Variants in KDM5B observed in about 807,000 individuals in gnomAD.
The protein encoded by KDM5B is lysine demethylase 5B, also known as lysine-specific demethylase 5B.
KDM5B carries 144 observed loss-of-function variants against 193.4 expected under a neutral mutation model. The observed-to-expected ratio is 0.74, with a 90% CI of 0.65 to 0.86. The LOEUF (loss-of-function observed/expected upper bound fraction) is 0.86. KDM5B is among the 40% of genes least tolerant of loss of function. The pLI, the probability that KDM5B is intolerant of heterozygous loss-of-function variation, is 0.00. For missense variants in KDM5B, 1,833 were observed against 1,886.9 expected, an observed-to-expected ratio of 0.97 and a Z score of 0.53; for synonymous variants, 668 against 682.6, an observed-to-expected ratio of 0.98 and a Z score of 0.33.
chr1:202,779,574 G>C (rs2102308973), intron 1 of KDM5B, among the ~76,000 whole-genome samples: 1 of 152,112 alleles, frequency 6.6e-6, no homozygotes, highest in East Asian at 1.9e-4. Flanking sequence ...GGGAGTCCGA[G>C]GCAAGCAGAT....
Position 202,746,280 on chromosome 1 carries a change from T to A in KDM5B, c.2060A>T (p.Asp687Val). Reference protein sequence around the residue: ...SERMDFELLPDDERQCVKCKT... With the variant: ...SERMDFELLPVDERQCVKCKT... ...GCATTTTACACACTGACGTTCATCA[T>A]CTGGCAACAGCTCAAAATCCATTCT... Residue 687 changes from aspartate to valine, a missense_variant, in exon 15 of 27, where the codon GAT becomes GTT. Physicochemically the swap from Asp to Val is radical, Grantham distance 152. Coordinates refer to ENST00000367265, the MANE Select transcript of KDM5B (RefSeq NM_006618.5). 6.2e-7 allele frequency: 1 copy of A among 1,613,050 alleles called. No individual in the cohort carries two copies. Among genetic ancestry groups the A allele is most frequent in the Non-Finnish European group, 8.5e-7 (1 of 1,179,596 alleles).
At chr1:202,772,608 T>C (rs1656766212) in intron 4 of KDM5B, among the ~76,000 whole-genome samples, 1 of 152,082 alleles carries the variant, frequency 6.6e-6, no homozygotes. Flanking sequence ...TCCTCCACAA[T>C]CTTACTCATT....
chr1:202,788,896 A>G (rs1297488360), intron 1 of KDM5B, among the ~76,000 whole-genome samples: 1 of 152,174 alleles, frequency 6.6e-6, no homozygotes, highest in Non-Finnish European at 1.5e-5. Flanking sequence ...AGGTTAAGAA[A>G]GGATTATATA....
chr1:202,740,525 G>C, intron 20 of KDM5B, 149 bp downstream of exon 20: 1 of 484,988 alleles, frequency 2.1e-6, no homozygotes, highest in Non-Finnish European at 3.3e-6. Flanking sequence ...TTCCCAGTAG[G>C]GGCGGCTGGG....
Position 202,730,976 on chromosome 1 carries a change from A to G in KDM5B, c.4109T>C (p.Leu1370Ser). 6.2e-7 allele frequency: 1 copy of G among 1,613,878 alleles called. No homozygotes were observed. Among genetic ancestry groups the G allele is most frequent in the Non-Finnish European group, 8.5e-7 (1 of 1,179,820 alleles). ...CTGAGCAGGGCTTGGCTTTGCAAGT[A>G]AAGTCTGGTAAAGTTCCTGAATTTC... ...LPEIQELYQT[L>S]LAKPSPAQQT... is the part of the protein sequence containing the mutation. Residue 1370 changes from leucine (L) to serine (S), a missense_variant, in exon 25 of 27, where the codon TTA (leucine) becomes TCA (serine). Physicochemically the swap from Leu to Ser is moderately radical, Grantham distance 145. Around this residue, in one of 3 missense-constraint regions of KDM5B, gnomAD observed 1,379 missense variants for 1,349.6 expected, o/e 1.02. Transcript: ENST00000367265.
Position 202,733,693 on chromosome 1 carries a change from A to G in KDM5B, c.3617T>C (p.Val1206Ala), listed in dbSNP as rs1329482958. 4 of 1,614,152 alleles carry G rather than the reference A, an allele frequency of 2.5e-6. No homozygotes were observed. Among genetic ancestry groups the G allele is most frequent in the South Asian group, 1.1e-5 (1 of 91,086 alleles). ...TCGCAGGCCCTGTGAAATACTGGGT[A>G]CCGCCACACAACTGGTGTGGAAAGC... ...RDAFHTSCVA[V>A]PSISQGLRIW... Residue 1206 changes from valine (V) to alanine (A), a missense_variant, in exon 23 of 27, where the codon GTA becomes GCA. Coordinates refer to ENST00000367265, the MANE Select transcript of KDM5B (RefSeq NM_006618.5).
At chr1:202,795,730 T>C (rs1330039869) in intron 1 of KDM5B, among the ~76,000 whole-genome samples, 1 of 151,690 alleles carries the variant, frequency 6.6e-6, no homozygotes, top group Non-Finnish European at 1.5e-5. Flanking sequence ...ACAGAAGATA[T>C]ATTTGAATAA....
chr1:202,804,359 A>C (rs1404097975), intron 1 of KDM5B, among the ~76,000 whole-genome samples: 2 of 152,210 alleles, frequency 1.3e-5, no homozygotes, highest in African/African-American at 4.8e-5. Flanking sequence ...AGATACAAGT[A>C]GGGAAAGATT....
At chr1:202,786,461 T>C (rs1474136257) in intron 1 of KDM5B, among the ~76,000 whole-genome samples, 4 of 152,228 alleles carry the variant, frequency 2.6e-5, no homozygotes, top group Non-Finnish European at 5.9e-5. Context: ...ACTTGTATAC[T>C]GTAAAAGTTA....
Position 202,753,082 on chromosome 1 carries a change from T to A in KDM5B, c.1539-15A>T, listed in dbSNP as rs202083862. 138 of 1,601,346 alleles carry A rather than the reference T, an allele frequency of 8.6e-5. No homozygotes were observed. Among genetic ancestry groups the A allele is most frequent in the Non-Finnish European group, 1.1e-4 (133 of 1,174,840 alleles). ...TTGGCTCACCCCTGGAAATAGATTA[T>A]AAAAATAAATCAATCTGCAACACCA... On this transcript the variant is annotated splice_polypyrimidine_tract_variant and intron_variant, in intron 11 of 26. Coordinates refer to ENST00000367265, the MANE Select transcript of KDM5B (RefSeq NM_006618.5).
intron 1 of KDM5B, 97 bp downstream of exon 1, chr1:202,808,005 G>T: frequency 7.9e-7 from 1 of 1,267,048 alleles, no homozygotes; most frequent in Non-Finnish European, 1.1e-6. Context: ...CGGGGCGACC[G>T]GCTCCCCGCC....
At chr1:202,795,794 T>C (rs1055900021) in intron 1 of KDM5B, among the ~76,000 whole-genome samples, 1 of 152,196 alleles carries the variant, frequency 6.6e-6, no homozygotes, top group African/African-American at 2.4e-5. Flanking sequence ...ATTAACTTTT[T>C]TTTTTTAACA....
chr1:202,773,222 T>C lies in KDM5B; in HGVS notation c.472A>G (p.Lys158Glu). ...KDRKWTKIAT[K>E]MGFAPGKAVG... ...GCTTTGCCAGGAGCAAACCCCATCT[T>C]GGTAGCAATTTTGGTCCATTTTCTA... The change falls in exon 4 of 27, where the codon AAG (lysine) becomes GAG (glutamate). Residue 158 changes from lysine to glutamate, a missense_variant. This residue lies in a region of KDM5B where 355 missense variants were observed against 374.9 expected (regional missense o/e 0.95). Transcript: ENST00000367265. The C allele has an allele frequency of 4.3e-6, 7 of 1,614,126 alleles. No individual in the cohort carries two copies. Among genetic ancestry groups the C allele is most frequent in the Non-Finnish European group, 5.9e-6 (7 of 1,179,974 alleles).
At position 202,744,004 on chromosome 1, in the gene KDM5B, G is replaced by A. The variant is rs567367018; in HGVS notation, c.2324-1199C>T. 3.3e-5 allele frequency among the ~76,000 whole-genome samples: 5 copies of A among 151,696 alleles called. No individual in the cohort carries two copies. The South Asian group carries it at 8.3e-4, about 25-fold the overall frequency. ...AACTGACAAATGGGATCTAATTAAA[G>A]AGCTTCTGCACAGCAAAAGAAACTA... On this transcript the variant is annotated intron_variant, in intron 16 of 26. Coordinates refer to ENST00000367265, the MANE Select transcript of KDM5B (RefSeq NM_006618.5).
chr1:202,769,049 T>C (rs1656597293), intron 4 of KDM5B, among the ~76,000 whole-genome samples: 1 of 146,896 alleles, frequency 6.8e-6, no homozygotes, highest in South Asian at 2.1e-4. Flanking sequence ...TCTTTTTTTT[T>C]TTTTTGAGAC....
In KDM5B at chr1:202,792,989, C is replaced by T. The variant is rs1215833855; in HGVS notation, c.204+15113G>A. Among the ~76,000 whole-genome samples the T allele has an allele frequency of 2.2e-5, 3 of 137,250 alleles. No homozygotes were observed. In the Admixed American group the frequency reaches 2.4e-4, roughly 11 times the overall value. The allele number at this position is 137,250 out of a possible 152,430, so 90.0% of individuals were successfully genotyped here. ...TCCAACTCCAGCCTGGGCCACACAG[C>T]GAGACTCCCTCTCAAAAAAAAAAAA... On this transcript the variant is annotated intron_variant, in intron 1 of 26. Coordinates refer to ENST00000367265, the MANE Select transcript of KDM5B (RefSeq NM_006618.5).
rs535334152 is a variant in KDM5B at position 202,772,121 on chromosome 1, A to G, written c.576+997T>C. ...GTTAGTGATTTACCCCTCAAAAACT[A>G]TGTTATTCTCTTCCTACCTCTCTAC... On this transcript the variant is annotated intron_variant, in intron 4 of 26. Transcript: ENST00000367265. Among the ~76,000 whole-genome samples, 6 of 152,244 alleles carry G rather than the reference A, an allele frequency of 3.9e-5. No individual in the cohort carries two copies. In the South Asian group the frequency reaches 1.2e-3, roughly 32 times the overall value.
chr1:202,725,051 T>C lies in KDM5B; in HGVS notation c.*3985A>G, dbSNP rs1246266274. On this transcript the variant is annotated 3_prime_UTR_variant, in exon 27 of 27. Transcript: ENST00000367265. ...CAGGTCAAATGACCTCACCATTCCATTCCTCTACTGCAATGCAGCCGGTTA... is the reference window on the plus strand; with the variant it reads ...CAGGTCAAATGACCTCACCATTCCACTCCTCTACTGCAATGCAGCCGGTTA... 1 of 152,216 alleles carries C rather than the reference T, an allele frequency of 6.6e-6. No individual in the cohort carries two copies. Among genetic ancestry groups the C allele is most frequent in the Non-Finnish European group, 1.5e-5 (1 of 68,048 alleles). The allele number at this position is 152,216 out of a possible 1,614,324, so 9.4% of individuals were successfully genotyped here.
At chr1:202,763,173 C>T (rs1037563445) in intron 6 of KDM5B, among the ~76,000 whole-genome samples, 2 of 152,202 alleles carry the variant, frequency 1.3e-5, no homozygotes, top group Non-Finnish European at 2.9e-5. Context: ...ATCTCCTCCA[C>T]ATAACACATT....
Sources: gnomAD v4.1 joint callset for allele counts (sites outside exome capture counted in the v4.1 genomes callset) on GRCh38, gnomAD v4.1.1 for gene constraint, gnomAD v4.1.1 regional missense constraint, MANE v1.5 for transcripts, NCBI Gene and HGNC (gene_info 2026-07-23, HGNC 2026-07-21) for gene names.